MCUR1: variants seen among roughly 807,000 people sequenced by gnomAD.
MCUR1 encodes MCU regulator 1.
MCUR1 carries 37 observed loss-of-function variants against 42.0 expected under a neutral mutation model. The observed-to-expected ratio is 0.88, with a 90% CI of 0.68 to 1.16. The LOEUF is 1.16. Ranked by LOEUF, MCUR1 falls within the 50% of genes most tolerant of loss-of-function variation. The pLI is 0.00. For synonymous variants in MCUR1, 229 were observed against 196.2 expected (o/e 1.17, Z -1.40); for missense variants, 469 against 468.4 (o/e 1.00, Z -0.01).
chr6:13,793,140 A>G (rs1021144194), intron 7 of MCUR1, among the ~76,000 whole-genome samples: 68 of 151,468 alleles, frequency 4.5e-4, no homozygotes, highest in African/African-American at 1.6e-3. Flanking sequence ...AAAAAAAAAA[A>G]AAAAAAGAAA....
intron 1 of MCUR1, among the ~76,000 whole-genome samples, chr6:13,807,335 C>G (rs1760133369): frequency 6.6e-6 from 1 of 152,146 alleles, no homozygotes; most frequent in Admixed American, 6.6e-5. Context: ...CCCAACCATA[C>G]CCAGGACAAG....
chr6:13,797,857 C>G (rs1020323623), intron 6 of MCUR1, among the ~76,000 whole-genome samples: 2 of 151,508 alleles, frequency 1.3e-5, no homozygotes, highest in Non-Finnish European at 2.9e-5. Flanking sequence ...AACCCTGTCT[C>G]TACTAAAAAT....
At chr6:13,809,517 T>A (rs1230927179) in intron 1 of MCUR1, among the ~76,000 whole-genome samples, 1 of 152,170 alleles carries the variant, frequency 6.6e-6, no homozygotes, top group Non-Finnish European at 1.5e-5. Context: ...GTAAACTTCT[T>A]GTTTCAAGGT....
At chr6:13,807,156 C>T in intron 1 of MCUR1, 112 bp from the exon 2 acceptor site, 1 of 1,191,800 alleles carries the variant, frequency 8.4e-7, no homozygotes, top group Non-Finnish European at 1.1e-6. Context: ...TTTATAACAG[C>T]TTCGTTGAGA....
In MCUR1 at chr6:13,814,380, C is replaced by T; in HGVS notation, c.50G>A (p.Arg17His). The change falls in exon 1 of 9, where the codon CGC becomes CAC. Residue 17 changes from arginine (R) to histidine (H), a missense_variant. Transcript: ENST00000379170. ...GGQRTQRLPG[R>H]QRLLFLPVGL... Reference sequence around the variant, plus strand: ...CACGGGCAAGAAGAGAAGCCGCTGGCGGCCGGGCAGGCGCTGGGTCCTCTG... The same window carrying T: ...CACGGGCAAGAAGAGAAGCCGCTGGTGGCCGGGCAGGCGCTGGGTCCTCTG... The T allele has an allele frequency of 6.5e-7, 1 of 1,531,446 alleles. No individual in the cohort carries two copies. Among genetic ancestry groups the T allele is most frequent in the Non-Finnish European group, 8.7e-7 (1 of 1,149,112 alleles). The allele number at this position is 1,531,446 out of a possible 1,614,324, so 94.9% of individuals were successfully genotyped here.
intron 3 of MCUR1, among the ~76,000 whole-genome samples, chr6:13,801,723 G>A (rs1211838718): frequency 8.6e-5 from 13 of 152,028 alleles, no homozygotes. Flanking sequence ...AGCAGTGCAC[G>A]GCTGTAGTCC....
In MCUR1 at chr6:13,793,981, A is replaced by G. The variant is rs765900076; in HGVS notation, c.856-34T>C. ...AACACGTAACATGGGTCAGATTCTGATCTACTCCTCTCTCTTCTCCTTCTC... is the reference window on the plus strand; with the variant it reads ...AACACGTAACATGGGTCAGATTCTGGTCTACTCCTCTCTCTTCTCCTTCTC... On this transcript the variant is annotated intron_variant, in intron 6 of 8. Transcript: ENST00000379170. 21 of 1,594,892 alleles carry G rather than the reference A, an allele frequency of 1.3e-5. No homozygotes were observed. The South Asian group carries it at 2.3e-4, about 18-fold the overall frequency.
At chr6:13,806,798 T>A (rs920482444) in intron 2 of MCUR1, 127 bp downstream of exon 2, 11 of 1,092,250 alleles carry the variant, frequency 1.0e-5, no homozygotes, top group African/African-American at 5.4e-5. Context: ...CTAAATAAAT[T>A]AATTAATTAA....
chr6:13,786,927 T>G lies in MCUR1; in HGVS notation c.*3882A>C, dbSNP rs989721283. 2.0e-5 allele frequency: 3 copies of G among 152,170 alleles called. No individual in the cohort carries two copies. Among genetic ancestry groups the G allele is most frequent in the Non-Finnish European group, 2.9e-5 (2 of 68,022 alleles). 9.4% of individuals were successfully genotyped at this position (152,170 alleles called of 1,614,324 possible). A position where few individuals can be genotyped will look rare whatever the true frequency, so the allele number is the denominator to read the frequency against. Reference sequence around the variant, plus strand: ...AACATTCTCAAATATTTTACATACATGAAGAATAAATTATTTCTGGTTAAC... The same window carrying G: ...AACATTCTCAAATATTTTACATACAGGAAGAATAAATTATTTCTGGTTAAC... On this transcript the variant is annotated 3_prime_UTR_variant, in exon 9 of 9. Coordinates refer to ENST00000379170, the MANE Select transcript of MCUR1 (RefSeq NM_001031713.4).
At chr6:13,811,481 T>A (rs1760233521) in intron 1 of MCUR1, among the ~76,000 whole-genome samples, 1 of 152,178 alleles carries the variant, frequency 6.6e-6, no homozygotes, top group Admixed American at 6.5e-5. Flanking sequence ...ATCTGGTACC[T>A]CTTTTTTAGT....
Position 13,787,097 on chromosome 6 carries a change from G to A in MCUR1, c.*3712C>T, listed in dbSNP as rs75424989. The A allele has an allele frequency of 6.6e-6, 1 of 152,228 alleles. No individual in the cohort carries two copies. The highest frequency in any genetic ancestry group is 1.9e-4 in the East Asian group (1 of 5,182). The allele number at this position is 152,228 out of a possible 1,614,324, so 9.4% of individuals were successfully genotyped here. ...TTCTTAGAAGATTGCATGTTAGGGT[G>A]GGGGAAGATAAATGCTTGCCAATAC... On this transcript the variant is annotated 3_prime_UTR_variant, in exon 9 of 9. Transcript: ENST00000379170.
At chr6:13,801,428 C>T in intron 3 of MCUR1, 39 bp from the exon 4 acceptor site, 1 of 1,413,166 alleles carries the variant, frequency 7.1e-7, no homozygotes, top group Non-Finnish European at 9.9e-7. Context: ...CTAGTCTACC[C>T]TAAAAAGTCC....
chr6:13,802,166 A>C (rs1760004279), intron 3 of MCUR1, 77 bp downstream of exon 3: 5 of 1,206,992 alleles, frequency 4.1e-6, no homozygotes, highest in Non-Finnish European at 6.0e-6. Flanking sequence ...TTATCCAAAA[A>C]ATTATATTAA....
intron 5 of MCUR1, 96 bp downstream of exon 5, chr6:13,800,245 G>A (rs1219169273): frequency 1.2e-6 from 1 of 817,408 alleles, no homozygotes. Context: ...ATTTCACAAA[G>A]AATTAAGTTT....
At chr6:13,791,823 T>C (rs1759733939) in intron 8 of MCUR1, 55 bp downstream of exon 8, 1 of 1,238,424 alleles carries the variant, frequency 8.1e-7, no homozygotes, top group Non-Finnish European at 1.1e-6. Context: ...CAACGACTTA[T>C]TTTATAAATT....
intron 6 of MCUR1, among the ~76,000 whole-genome samples, chr6:13,796,356 C>T (rs894308792): frequency 3.4e-5 from 5 of 149,032 alleles, no homozygotes; most frequent in South Asian, 4.2e-4. Flanking sequence ...GGCGTGATCT[C>T]GGCTCACTGC....
intron 1 of MCUR1, 147 bp from the exon 2 acceptor site, chr6:13,807,191 A>G: frequency 1.2e-6 from 1 of 815,870 alleles, no homozygotes. Context: ...AATTTCAAGC[A>G]TACAGTTCAA....
At chr6:13,803,832 T>C in intron 2 of MCUR1, 1 of 985,416 alleles carries the variant, frequency 1.0e-6, no homozygotes, top group African/African-American at 1.7e-5. Context: ...TTTTAAAGTT[T>C]TATTAAGAAG....
At chr6:13,812,870 T>C (rs933068972) in intron 1 of MCUR1, among the ~76,000 whole-genome samples, 2 of 152,192 alleles carry the variant, frequency 1.3e-5, no homozygotes, top group Non-Finnish European at 2.9e-5. Context: ...CAATATGCTA[T>C]CTAATAAATT....
Sources: gnomAD v4.1 joint callset for allele counts (sites outside exome capture counted in the v4.1 genomes callset) on GRCh38, gnomAD v4.1.1 for gene constraint, MANE v1.5 for transcripts, NCBI Gene and HGNC (gene_info 2026-07-23, HGNC 2026-07-21) for gene names.